The following ST8SIA4 variants were observed in gnomAD, a reference collection of about 807,000 sequenced individuals.
The protein encoded by ST8SIA4 is ST8 alpha-N-acetyl-neuraminide alpha-2,8-sialyltransferase 4.
ST8SIA4 carries 15 observed loss-of-function variants against 33.9 expected under a neutral mutation model. The ratio of observed to expected loss-of-function variants is 0.44; its 90% CI spans 0.30 to 0.68. The LOEUF is 0.68. Ranked by LOEUF, ST8SIA4 falls within the 30% of genes least tolerant of loss-of-function variation. ST8SIA4 has a pLI of 0.10. For missense variants in ST8SIA4, 321 were observed against 428.0 expected (o/e 0.75, Z 2.21); for synonymous variants, 171 against 151.2 (o/e 1.13, Z -0.96).
intron 3 of ST8SIA4, among the ~76,000 whole-genome samples, chr5:100,861,485 A>G (rs1751940042): frequency 6.6e-6 from 1 of 152,198 alleles, no homozygotes; most frequent in Non-Finnish European, 1.5e-5. Flanking sequence ...GAAAAGAAAA[A>G]TGGAATCATC....
chr5:100,828,375 A>G (rs1214800467), intron 4 of ST8SIA4, among the ~76,000 whole-genome samples: 1 of 152,134 alleles, frequency 6.6e-6, no homozygotes, highest in East Asian at 1.9e-4. Flanking sequence ...TGAGAAAGCA[A>G]CTTTCCGGTA....
At chr5:100,846,545 G>A (rs1465117198) in intron 4 of ST8SIA4, among the ~76,000 whole-genome samples, 2 of 151,948 alleles carry the variant, frequency 1.3e-5, no homozygotes, top group East Asian at 1.9e-4. Flanking sequence ...AATACAGAGA[G>A]CAGAAACCCA....
chr5:100,868,077 T>C (rs1752112943), intron 3 of ST8SIA4, among the ~76,000 whole-genome samples: 2 of 152,146 alleles, frequency 1.3e-5, no homozygotes, highest in South Asian at 4.1e-4. Flanking sequence ...CCTCTCAGAA[T>C]TTCCCCTGAA....
intron 3 of ST8SIA4, among the ~76,000 whole-genome samples, chr5:100,879,772 G>A (rs914298538): frequency 6.6e-6 from 1 of 152,170 alleles, no homozygotes; most frequent in African/African-American, 2.4e-5. Flanking sequence ...TGCTTGGTGA[G>A]ATGGTGGGCT....
chr5:100,873,430 G>T (rs1037668236), intron 3 of ST8SIA4, among the ~76,000 whole-genome samples: 2 of 152,050 alleles, frequency 1.3e-5, no homozygotes, highest in Admixed American at 6.6e-5. Context: ...ATGTTATGTA[G>T]CTCTTAGTTG....
At chr5:100,830,085 T>A (rs995027684) in intron 4 of ST8SIA4, among the ~76,000 whole-genome samples, 1 of 152,224 alleles carries the variant, frequency 6.6e-6, no homozygotes, top group Non-Finnish European at 1.5e-5. Context: ...TGGTCATAAA[T>A]GTGCCACACT....
At chr5:100,847,716 A>C (rs1259486585) in intron 4 of ST8SIA4, among the ~76,000 whole-genome samples, 1 of 152,140 alleles carries the variant, frequency 6.6e-6, no homozygotes, top group Admixed American at 6.5e-5. Context: ...TTTTCAACAG[A>C]GTGAATACTA....
intron 4 of ST8SIA4, chr5:100,849,280 G>A (rs1751634972): frequency 1.0e-6 from 1 of 985,092 alleles, no homozygotes; most frequent in African/African-American, 1.7e-5. Flanking sequence ...TATTTTAATG[G>A]TTATAAATCT....
chr5:100,835,780 G>T (rs1342182837), intron 4 of ST8SIA4, among the ~76,000 whole-genome samples: 1 of 152,006 alleles, frequency 6.6e-6, no homozygotes, highest in Non-Finnish European at 1.5e-5. Context: ...GGGATACATT[G>T]GACATATTCA....
chr5:100,862,396 CTTTA>C (rs1751965705), intron 3 of ST8SIA4, among the ~76,000 whole-genome samples: 1 of 151,948 alleles, frequency 6.6e-6, no homozygotes, highest in Non-Finnish European at 1.5e-5. Flanking sequence ...ATATTTATTT[CTTTA>C]TTTCTTTATT....
At chr5:100,824,107 G>A (rs973866283) in intron 4 of ST8SIA4, among the ~76,000 whole-genome samples, 32 of 151,972 alleles carry the variant, frequency 2.1e-4, no homozygotes, top group African/African-American at 7.7e-4. Flanking sequence ...GTTCTACTTG[G>A]GCAAAAAATC....
chr5:100,833,098 G>C lies in ST8SIA4; in HGVS notation c.798-20969C>G, dbSNP rs373478152. 2.6e-5 allele frequency among the ~76,000 whole-genome samples: 4 copies of C among 152,126 alleles called. No homozygotes were observed. In the East Asian group the frequency reaches 5.8e-4, roughly 22 times the overall value. ...TTATATCACACGTAGGTGTCTGCTTGGTTGTATTTGGCATAAGTTTTATAA... is the reference window on the plus strand; with the variant it reads ...TTATATCACACGTAGGTGTCTGCTTCGTTGTATTTGGCATAAGTTTTATAA... On this transcript the variant is annotated intron_variant, in intron 4 of 4. Transcript: ENST00000231461.
intron 1 of ST8SIA4, among the ~76,000 whole-genome samples, chr5:100,897,580 C>T (rs536091225): frequency 2.0e-5 from 3 of 152,064 alleles, no homozygotes; most frequent in Non-Finnish European, 2.9e-5. Flanking sequence ...CAATCCTCTC[C>T]TAGTATCAAT....
intron 3 of ST8SIA4, chr5:100,885,420 C>T: frequency 5.3e-6 from 5 of 943,130 alleles, no homozygotes; most frequent in Non-Finnish European, 6.3e-6. Context: ...CCTATTTATG[C>T]TTTTAAGACT....
chr5:100,892,263 TCA>T (rs1752687636), intron 2 of ST8SIA4, among the ~76,000 whole-genome samples: 1 of 152,168 alleles, frequency 6.6e-6, no homozygotes, highest in Admixed American at 6.6e-5. Flanking sequence ...CGTACGATGT[TCA>T]CAGATTTATT....
chr5:100,877,605 G>T (rs1012469085), intron 3 of ST8SIA4, among the ~76,000 whole-genome samples: 12 of 152,250 alleles, frequency 7.9e-5, no homozygotes, highest in African/African-American at 2.4e-4. Flanking sequence ...GTATTTTCAA[G>T]GGTTGTTACA....
intron 4 of ST8SIA4, among the ~76,000 whole-genome samples, chr5:100,827,369 C>T (rs1751169078): frequency 6.6e-6 from 1 of 152,092 alleles, no homozygotes; most frequent in Non-Finnish European, 1.5e-5. Context: ...GTTCCCTGCC[C>T]CTCTCACATG....
chr5:100,886,961 C>T (rs997537809), intron 2 of ST8SIA4, among the ~76,000 whole-genome samples: 2 of 152,032 alleles, frequency 1.3e-5, no homozygotes, highest in Non-Finnish European at 2.9e-5. Context: ...ATTCTGCTAG[C>T]TTCAGCGTAT....
In ST8SIA4 at chr5:100,848,245, G is replaced by A. The variant is rs556260299; in HGVS notation, c.797+7858C>T. ...CCACAGTTGAATAAGATTCAGTAAT[G>A]TACCATTATTACAAGAAAATCAATA... is the stretch of plus-strand genomic sequence containing the variant. On this transcript the variant is annotated intron_variant, in intron 4 of 4. Coordinates refer to ENST00000231461, the MANE Select transcript of ST8SIA4 (RefSeq NM_005668.6). 2.2e-3 allele frequency among the ~76,000 whole-genome samples: 340 copies of A among 151,666 alleles called. 2 individuals carry two copies. The highest frequency in any genetic ancestry group is 8.0e-3 in the African/African-American group (330 of 41,452).
Sources: gnomAD v4.1 joint callset for allele counts (sites outside exome capture counted in the v4.1 genomes callset) on GRCh38, gnomAD v4.1.1 for gene constraint, MANE v1.5 for transcripts, NCBI Gene and HGNC (gene_info 2026-07-23, HGNC 2026-07-21) for gene names.